Variants in TDRD9 observed in about 807,000 individuals in gnomAD.
TDRD9 encodes the protein tudor domain containing 9.
In TDRD9, 124 loss-of-function variants were observed where a neutral mutation model predicts 172.6. The ratio of observed to expected loss-of-function variants is 0.72; its 90% CI spans 0.62 to 0.83. The LOEUF is 0.83. TDRD9 is among the 40% of genes least tolerant of loss of function. The pLI is 0.00. For missense variants in TDRD9, 1,479 were observed against 1,714.1 expected, an observed-to-expected ratio of 0.86 and a Z score of 2.42; for synonymous variants, 619 against 617.1, an observed-to-expected ratio of 1.00 and a Z score of -0.05.
At chr14:103,936,858 G>A (rs2030799938) in intron 1 of TDRD9, among the ~76,000 whole-genome samples, 1 of 152,210 alleles carries the variant, frequency 6.6e-6, no homozygotes, top group Admixed American at 6.5e-5. Context: ...TTGGGAAGCT[G>A]AGGTGGGAGG....
At chr14:103,978,053 A>G (rs982193279) in intron 7 of TDRD9, among the ~76,000 whole-genome samples, 7 of 152,058 alleles carry the variant, frequency 4.6e-5, no homozygotes, top group African/African-American at 1.4e-4. Flanking sequence ...TGCCAATATC[A>G]TGCTGTTTTG....
At chr14:103,969,122 A>C (rs1314867968) in intron 5 of TDRD9, among the ~76,000 whole-genome samples, 6 of 147,582 alleles carry the variant, frequency 4.1e-5, no homozygotes, top group African/African-American at 7.4e-5. Context: ...CAAAAAAAAA[A>C]CCCCCCAAAA....
At chr14:103,963,267 GC>G in intron 3 of TDRD9, 91 bp downstream of exon 3, 1 of 930,786 alleles carries the variant, frequency 1.1e-6, no homozygotes, top group Non-Finnish European at 1.6e-6. Flanking sequence ...GTTACCAGTT[GC>G]CAGGTGAACA....
At chr14:103,949,941 G>A (rs1428105769) in intron 1 of TDRD9, among the ~76,000 whole-genome samples, 3 of 151,880 alleles carry the variant, frequency 2.0e-5, no homozygotes, top group Non-Finnish European at 2.9e-5. Flanking sequence ...CTCCCAAAGT[G>A]CTGGGATTAC....
At chr14:104,026,014 C>G (rs371867985) in intron 26 of TDRD9, 33 bp from the exon 27 acceptor site, 27 of 1,419,270 alleles carry the variant, frequency 1.9e-5, no homozygotes, top group Non-Finnish European at 2.3e-5. Flanking sequence ...TTTTTGACCC[C>G]GTCGTAAAGT....
At chr14:103,973,803 G>T (rs1191393998) in intron 6 of TDRD9, among the ~76,000 whole-genome samples, 3 of 152,176 alleles carry the variant, frequency 2.0e-5, no homozygotes, top group Non-Finnish European at 4.4e-5. Flanking sequence ...CTCAAAATGA[G>T]TTTTAGTCTG....
At chr14:103,962,344 CA>C (rs1234972380) in intron 2 of TDRD9, among the ~76,000 whole-genome samples, 9 of 152,116 alleles carry the variant, frequency 5.9e-5, no homozygotes, top group Non-Finnish European at 1.0e-4. Flanking sequence ...ACTGAATCAG[CA>C]ATGAGTGCGT....
chr14:103,944,950 T>C (rs902889631), intron 1 of TDRD9, among the ~76,000 whole-genome samples: 4 of 152,190 alleles, frequency 2.6e-5, no homozygotes, highest in African/African-American at 9.7e-5. Context: ...TTAACAGATA[T>C]CTATTGACTG....
chr14:103,958,538 G>A (rs184669090), intron 2 of TDRD9, among the ~76,000 whole-genome samples: 4 of 152,290 alleles, frequency 2.6e-5, no homozygotes, highest in Admixed American at 2.0e-4. Context: ...GAGATGGGAA[G>A]ATTTTCCAGG....
Position 104,005,551 on chromosome 14 carries a change from C to T in TDRD9, c.1713+146C>T, listed in dbSNP as rs545279690. ...CTCTGTTCCTCCTGCCTCACTTTCC[C>T]GCTAACTCTGTTCCTCCTGCCTCAC... is the stretch of plus-strand genomic sequence containing the variant. On this transcript the variant is annotated intron_variant, in intron 15 of 35. Coordinates refer to ENST00000409874, the MANE Select transcript of TDRD9 (RefSeq NM_153046.3). The T allele has an allele frequency of 6.3e-4, 539 of 852,032 alleles. 1 individual carries two copies. Among genetic ancestry groups the T allele is most frequent in the Middle Eastern group, 1.4e-3 (5 of 3,484 alleles). 52.8% of individuals were successfully genotyped at this position (852,032 alleles called of 1,614,324 possible). A position where few individuals can be genotyped will look rare whatever the true frequency, so the allele number is the denominator to read the frequency against.
At chr14:104,027,532 C>T (rs747790146) in intron 28 of TDRD9, among the ~76,000 whole-genome samples, 76 of 152,192 alleles carry the variant, frequency 5.0e-4, no homozygotes, top group Non-Finnish European at 7.9e-4. Context: ...TTATTTTTCA[C>T]GATTTAAAGG....
At chr14:103,991,407 T>TTTTTCC (rs932949277) in intron 9 of TDRD9, among the ~76,000 whole-genome samples, 183 bp downstream of exon 9, 1 of 152,152 alleles carries the variant, frequency 6.6e-6, no homozygotes, top group Non-Finnish European at 1.5e-5. Flanking sequence ...ATTTCTTTTT[T>TTTTTCC]TTTTCCTTTT....
At chr14:103,936,978 G>C (rs1280092620) in intron 1 of TDRD9, among the ~76,000 whole-genome samples, 1 of 152,134 alleles carries the variant, frequency 6.6e-6, no homozygotes, top group Non-Finnish European at 1.5e-5. Context: ...TGTAGTCCCA[G>C]CTACTTGGCA....
chr14:103,962,146 T>C (rs1232998695), intron 2 of TDRD9, among the ~76,000 whole-genome samples: 1 of 152,198 alleles, frequency 6.6e-6, no homozygotes, highest in Non-Finnish European at 1.5e-5. Context: ...GTGTGCCTGG[T>C]CAGAGCTCTG....
At chr14:103,936,773 C>A (rs1299681321) in intron 1 of TDRD9, among the ~76,000 whole-genome samples, 1 of 152,168 alleles carries the variant, frequency 6.6e-6, no homozygotes, top group Non-Finnish European at 1.5e-5. Context: ...GAATGCCTGG[C>A]ATGATGTAGA....
At chr14:103,974,668 T>A (rs923572336) in intron 6 of TDRD9, among the ~76,000 whole-genome samples, 23 of 152,286 alleles carry the variant, frequency 1.5e-4, no homozygotes, top group Middle Eastern at 3.4e-3. Flanking sequence ...AGAAACAGGA[T>A]CTTGCTCTGT....
intron 34 of TDRD9, among the ~76,000 whole-genome samples, chr14:104,044,145 C>T (rs1017661589): frequency 7.9e-5 from 12 of 152,126 alleles, no homozygotes; most frequent in African/African-American, 2.4e-4. Flanking sequence ...CCACAGGGAC[C>T]GCTGCCAGTC....
chr14:104,041,935 T>C lies in TDRD9; in HGVS notation c.3856-134T>C, dbSNP rs2035621757. On this transcript the variant is annotated intron_variant, in intron 33 of 35. Coordinates refer to ENST00000409874, the MANE Select transcript of TDRD9 (RefSeq NM_153046.3). ...TGCTAAAAACTGGGAGCAGTCAAGA[T>C]GCCTTCAGCAGGCGAGTGGATAAAC... 5.1e-6 allele frequency: 3 copies of C among 587,778 alleles called. No individual in the cohort carries two copies. The Admixed American group carries it at 8.3e-5, about 16-fold the overall frequency. 36.4% of individuals were successfully genotyped at this position (587,778 alleles called of 1,614,324 possible).
intron 3 of TDRD9, among the ~76,000 whole-genome samples, chr14:103,964,744 C>T (rs549598674): frequency 1.3e-5 from 2 of 152,214 alleles, no homozygotes; most frequent in African/African-American, 4.8e-5. Context: ...AGAATGGTCT[C>T]GATCTCTTGA....
Sources: gnomAD v4.1 joint callset for allele counts (sites outside exome capture counted in the v4.1 genomes callset) on GRCh38, gnomAD v4.1.1 for gene constraint, MANE v1.5 for transcripts, NCBI Gene and HGNC (gene_info 2026-07-23, HGNC 2026-07-21) for gene names.